Variants in WDFY3 observed in about 807,000 individuals in gnomAD.
WDFY3 encodes the protein WD repeat and FYVE domain containing 3, also known as WD repeat and FYVE domain-containing protein 3.
In WDFY3, 66 loss-of-function variants were observed where a neutral mutation model predicts 409.6. That is an observed-to-expected ratio of 0.16 (90% CI 0.13 to 0.20). The LOEUF (loss-of-function observed/expected upper bound fraction) is 0.20, where lower values mean the gene tolerates loss of function less well. Ranked by LOEUF, WDFY3 falls within the 10% of genes least tolerant of loss-of-function variation. The probability of loss-of-function intolerance (pLI) is 1.00; values close to 1 mark genes in which losing one functional copy is unlikely to be tolerated. For synonymous variants in WDFY3, 1,521 were observed against 1,537.1 expected, an observed-to-expected ratio of 0.99 and a Z score of 0.25; for missense variants, 3,031 against 4,298.1, an observed-to-expected ratio of 0.71 and a Z score of 8.24.
intron 64 of WDFY3, 123 bp from the exon 65 acceptor site, chr4:84,679,365 T>C (rs1726929870): frequency 2.0e-6 from 2 of 1,018,540 alleles, no homozygotes; most frequent in East Asian, 6.2e-5. Flanking sequence ...TTAAGCTAAG[T>C]GTAACAAAAA....
At chr4:84,752,456 C>T (rs956164679) in intron 35 of WDFY3, among the ~76,000 whole-genome samples, 2 of 150,172 alleles carry the variant, frequency 1.3e-5, no homozygotes, top group East Asian at 2.0e-4. Flanking sequence ...GAACTTGGGA[C>T]GTGGAGGTTG....
At chr4:84,832,865 T>C (rs1271261709) in intron 7 of WDFY3, among the ~76,000 whole-genome samples, 2 of 152,172 alleles carry the variant, frequency 1.3e-5, no homozygotes, top group African/African-American at 2.4e-5. Context: ...ATTTTTAGTT[T>C]GCCACTGGCG....
At chr4:84,805,093 C>A (rs1751294379) in intron 15 of WDFY3, among the ~76,000 whole-genome samples, 1 of 152,120 alleles carries the variant, frequency 6.6e-6, no homozygotes, top group Non-Finnish European at 1.5e-5. Flanking sequence ...AACTTTGTTT[C>A]ATGTACAAAA....
At chr4:84,727,375 C>T (rs543359974) in intron 44 of WDFY3, among the ~76,000 whole-genome samples, 6 of 152,128 alleles carry the variant, frequency 3.9e-5, no homozygotes, top group Non-Finnish European at 8.8e-5. Context: ...TTTAAGCTAT[C>T]ATTTACAATA....
intron 13 of WDFY3, 90 bp downstream of exon 13, chr4:84,817,302 A>T: frequency 6.6e-7 from 1 of 1,508,656 alleles, no homozygotes; most frequent in African/African-American, 1.4e-5. Context: ...ATTTTTTTTA[A>T]TTTCCCTGTC....
chr4:84,791,941 T>C (rs977978890), intron 21 of WDFY3, among the ~76,000 whole-genome samples: 1 of 152,302 alleles, frequency 6.6e-6, no homozygotes, highest in South Asian at 2.1e-4. Flanking sequence ...ATTTACCTTT[T>C]ATCAGTACTT....
chr4:84,817,522 C>T lies in WDFY3; in HGVS notation c.1757G>A (p.Arg586Gln), dbSNP rs1753474906. 3 of 1,613,588 alleles carry T rather than the reference C, an allele frequency of 1.9e-6. No individual in the cohort carries two copies. The highest frequency in any genetic ancestry group is 2.5e-6 in the Non-Finnish European group (3 of 1,179,790). Residue 586 changes from arginine to glutamine, a missense_variant, in exon 13 of 68, where the codon CGG (arginine) becomes CAG (glutamine). Coordinates refer to ENST00000295888, the MANE Select transcript of WDFY3 (RefSeq NM_014991.6). ...AHNIVKYPQC[R>Q]QHALMTIQQL... ...TTGGATAGTCATCAAGGCATGCTGC[C>T]GGCATTGAGGGTACTTTACTATATT...
At chr4:84,881,075 T>C (rs375820664) in intron 3 of WDFY3, among the ~76,000 whole-genome samples, 191 of 152,138 alleles carry the variant, frequency 1.3e-3, no homozygotes, top group African/African-American at 4.2e-3. Flanking sequence ...ATACACTCAA[T>C]TGATGTTTTT....
chr4:84,941,254 G>T (rs1772081683), intron 1 of WDFY3, among the ~76,000 whole-genome samples: 1 of 151,876 alleles, frequency 6.6e-6, no homozygotes, highest in African/African-American at 2.4e-5. Flanking sequence ...ACCTCCCTAA[G>T]TTAATAAGGG....
chr4:84,784,858 G>GTATATATATATATATATA (rs71670882), intron 24 of WDFY3, among the ~76,000 whole-genome samples: 7 of 89,004 alleles, frequency 7.9e-5, no homozygotes, highest in Non-Finnish European at 8.0e-5. Flanking sequence ...AAGTGTATAT[G>GTATATATATATATATATA]TATATATATA....
chr4:84,752,421 C>T (rs1740691367), intron 35 of WDFY3, among the ~76,000 whole-genome samples: 1 of 151,364 alleles, frequency 6.6e-6, no homozygotes, highest in African/African-American at 2.4e-5. Flanking sequence ...GAGGGTGAGG[C>T]AGTAGAATCA....
At chr4:84,758,529 T>A (rs1741860276) in intron 32 of WDFY3, among the ~76,000 whole-genome samples, 1 of 152,198 alleles carries the variant, frequency 6.6e-6, no homozygotes, top group Non-Finnish European at 1.5e-5. Flanking sequence ...ATTACAGGCA[T>A]GAGAGACTGC....
intron 1 of WDFY3, among the ~76,000 whole-genome samples, chr4:84,962,448 G>A (rs544839638): frequency 6.6e-6 from 1 of 152,228 alleles, no homozygotes; most frequent in African/African-American, 2.4e-5. Context: ...AAAACTTTAA[G>A]AGCATCAATT....
chr4:84,866,736 C>T (rs1028490228), intron 3 of WDFY3, among the ~76,000 whole-genome samples: 4 of 152,212 alleles, frequency 2.6e-5, no homozygotes, highest in African/African-American at 4.8e-5. Flanking sequence ...AGTGCTTTCT[C>T]GCTTTAATAA....
At chr4:84,685,699 G>A (rs1376209907) in intron 62 of WDFY3, among the ~76,000 whole-genome samples, 4 of 152,154 alleles carry the variant, frequency 2.6e-5, no homozygotes, top group African/African-American at 4.8e-5. Flanking sequence ...AAGCAGGCTT[G>A]ATATTGGTTG....
At chr4:84,698,275 AAT>A (rs1208765499) in intron 56 of WDFY3, among the ~76,000 whole-genome samples, 13 of 148,060 alleles carry the variant, frequency 8.8e-5, no homozygotes, top group Non-Finnish European at 8.9e-5. Context: ...AATTCTATAT[AAT>A]ATATATATAT....
chr4:84,675,783 T>C (rs1726174044), intron 67 of WDFY3, among the ~76,000 whole-genome samples: 1 of 152,180 alleles, frequency 6.6e-6, no homozygotes, highest in Non-Finnish European at 1.5e-5. Flanking sequence ...ATCCTTTCTG[T>C]TGTCTGGCAG....
intron 44 of WDFY3, among the ~76,000 whole-genome samples, chr4:84,730,231 A>C (rs998093929): frequency 6.6e-6 from 1 of 152,194 alleles, no homozygotes; most frequent in Non-Finnish European, 1.5e-5. Flanking sequence ...GGGCCCATAA[A>C]ATTGAATTCG....
chr4:84,883,350 T>TGTG (rs1455713843), intron 3 of WDFY3, among the ~76,000 whole-genome samples: 1 of 152,214 alleles, frequency 6.6e-6, no homozygotes, highest in Non-Finnish European at 1.5e-5. Flanking sequence ...ATTTGAAATA[T>TGTG]GTGGCTTCTC....
Sources: allele counts gnomAD v4.1 joint callset (sites outside exome capture counted in the v4.1 genomes callset), GRCh38; gene constraint gnomAD v4.1.1; transcripts MANE v1.5; gene names NCBI Gene and HGNC (gene_info 2026-07-23, HGNC 2026-07-21).